The following SGCZ variants were observed in gnomAD, a reference collection of about 807,000 sequenced individuals.
SGCZ encodes sarcoglycan zeta.
In SGCZ, 40 loss-of-function variants were observed where a neutral mutation model predicts 41.3. The ratio of observed to expected loss-of-function variants is 0.97; its 90% CI spans 0.75 to 1.26. SGCZ has a LOEUF of 1.26. Among genes scored for constraint, SGCZ ranks in the 50% most tolerant of loss-of-function variants. The pLI is 0.00. For synonymous variants in SGCZ, 206 were observed against 137.5 expected, an observed-to-expected ratio of 1.50 and a Z score of -3.49; for missense variants, 552 against 369.8, an observed-to-expected ratio of 1.49 and a Z score of -4.04.
chr8:14,385,948 C>T (rs546135885), intron 2 of SGCZ, among the ~76,000 whole-genome samples: 1 of 152,246 alleles, frequency 6.6e-6, no homozygotes, highest in Non-Finnish European at 1.5e-5. Context: ...TACTTTAAAT[C>T]ATCTCTAGAT....
chr8:14,536,321 G>T (rs1027684403), intron 2 of SGCZ, among the ~76,000 whole-genome samples: 4 of 151,698 alleles, frequency 2.6e-5, no homozygotes, highest in African/African-American at 9.7e-5. Flanking sequence ...GCTCAAAATT[G>T]CTACAAAGTC....
At chr8:14,906,344 T>G (rs1799120411) in intron 1 of SGCZ, among the ~76,000 whole-genome samples, 1 of 152,202 alleles carries the variant, frequency 6.6e-6, no homozygotes, top group Admixed American at 6.5e-5. Context: ...TAAAAAGAGA[T>G]TATGTTTAAA....
At chr8:14,719,202 C>A (rs1162194170) in intron 1 of SGCZ, among the ~76,000 whole-genome samples, 1 of 149,696 alleles carries the variant, frequency 6.7e-6, no homozygotes, top group Non-Finnish European at 1.5e-5. Flanking sequence ...TTTATGGCTG[C>A]ATAGTATTCC....
intron 1 of SGCZ, among the ~76,000 whole-genome samples, chr8:14,559,020 A>C (rs2410194): frequency 2.4e-4 from 37 of 152,136 alleles, no homozygotes; most frequent in African/African-American, 8.9e-4. Flanking sequence ...CTCAGTCAAC[A>C]TAACAGTGAA....
chr8:14,332,468 A>C (rs961992719), intron 2 of SGCZ: 4 of 151,996 alleles, frequency 2.6e-5, no homozygotes, highest in Admixed American at 2.6e-4. Flanking sequence ...TAAAATAAAA[A>C]ATAAAAATAT....
intron 1 of SGCZ, among the ~76,000 whole-genome samples, chr8:14,689,587 AG>A (rs1435504372): frequency 3.3e-5 from 5 of 152,162 alleles, no homozygotes; most frequent in Admixed American, 1.3e-4. Context: ...TTCTAGATTT[AG>A]TGAATTATAT....
rs1289840948 is a variant in SGCZ, at chr8:14,402,456, G to A, written c.235-78252C>T. ...TTAAGTCTTTAATCCATCTTGAATT[G>A]ATTTTTGTATAAGGTGTAAGGAAGG... is the stretch of plus-strand genomic sequence containing the variant. On this transcript the variant is annotated intron_variant, in intron 2 of 7. Transcript: ENST00000382080. Among the ~76,000 whole-genome samples the A allele has an allele frequency of 8.6e-5, 13 of 151,542 alleles. No individual in the cohort carries two copies. The East Asian group carries it at 2.1e-3, about 25-fold the overall frequency.
At chr8:14,289,449 A>G (rs1800765474) in intron 3 of SGCZ, among the ~76,000 whole-genome samples, 2 of 152,122 alleles carry the variant, frequency 1.3e-5, no homozygotes, top group African/African-American at 2.4e-5. Context: ...ATTGTTCAAT[A>G]TAGTGCAGGC....
intron 1 of SGCZ, among the ~76,000 whole-genome samples, chr8:14,970,572 T>C (rs1801258068): frequency 6.6e-6 from 1 of 152,180 alleles, no homozygotes; most frequent in South Asian, 2.1e-4. Context: ...CTTACCTTTG[T>C]AGAATTACCT....
chr8:14,755,373 A>G (rs1799629417), intron 1 of SGCZ, among the ~76,000 whole-genome samples: 1 of 152,338 alleles, frequency 6.6e-6, no homozygotes, highest in South Asian at 2.1e-4. Context: ...TTAGAGGAAC[A>G]TAAATCCAAA....
intron 2 of SGCZ, among the ~76,000 whole-genome samples, chr8:14,336,714 G>A (rs1369215230): frequency 1.3e-5 from 2 of 152,114 alleles, no homozygotes; most frequent in Non-Finnish European, 2.9e-5. Context: ...TTGAGACAAA[G>A]GGATTCAGCT....
intron 1 of SGCZ, among the ~76,000 whole-genome samples, chr8:14,843,283 G>C (rs959830669): frequency 1.1e-4 from 16 of 152,036 alleles, no homozygotes; most frequent in African/African-American, 3.9e-4. Context: ...AGGAAGTTAA[G>C]TCTTTTTTTT....
chr8:14,672,249 A>G (rs894698281), intron 1 of SGCZ, among the ~76,000 whole-genome samples: 8 of 152,166 alleles, frequency 5.3e-5, no homozygotes, highest in African/African-American at 1.9e-4. Context: ...AAAATATATA[A>G]TTATTAAAAT....
At chr8:14,179,608 A>T (rs1585205839) in intron 4 of SGCZ, among the ~76,000 whole-genome samples, 1 of 152,114 alleles carries the variant, frequency 6.6e-6, no homozygotes, top group East Asian at 1.9e-4. Context: ...CTGCTCTACA[A>T]ATAGTCATGG....
At chr8:15,121,900 CAA>C (rs55783598) in intron 1 of SGCZ, among the ~76,000 whole-genome samples, 3 of 126,296 alleles carry the variant, frequency 2.4e-5, no homozygotes, top group Non-Finnish European at 3.3e-5. Context: ...CGGCAGTTAC[CAA>C]AAAAAAAAAA....
chr8:14,449,005 G>A lies in SGCZ; in HGVS notation c.234+105727C>T, dbSNP rs564317687. Among the ~76,000 whole-genome samples the A allele has an allele frequency of 2.0e-5, 3 of 152,262 alleles. No homozygotes were observed. In the South Asian group the frequency reaches 6.2e-4, roughly 32 times the overall value. ...AATTTTATTTACTGTGCAAACACAAGTTACATTCCAGACAAACAGATAGAA... is the reference window on the plus strand; with the variant it reads ...AATTTTATTTACTGTGCAAACACAAATTACATTCCAGACAAACAGATAGAA... On this transcript the variant is annotated intron_variant, in intron 2 of 7. Coordinates refer to ENST00000382080, the MANE Select transcript of SGCZ (RefSeq NM_139167.4).
chr8:14,089,211 A>G lies in SGCZ; in HGVS notation c.*1232T>C, dbSNP rs1801614328. Among the ~76,000 whole-genome samples the G allele has an allele frequency of 6.6e-6, 1 of 151,978 alleles. No individual in the cohort carries two copies. The highest frequency in any genetic ancestry group is 1.5e-5 in the Non-Finnish European group (1 of 67,938). On this transcript the variant is annotated 3_prime_UTR_variant, in exon 8 of 8. Transcript: ENST00000382080. ...TTGAGGTCAGGGTAGCCTAACAACG[A>G]TCTAATAAAAGTAAATATATGTTAA... is the stretch of plus-strand genomic sequence containing the variant.
chr8:14,648,725 C>T (rs539299845), intron 1 of SGCZ, among the ~76,000 whole-genome samples: 159 of 151,778 alleles, frequency 1.0e-3, no homozygotes, highest in Middle Eastern at 0.01. Context: ...TATAGACGGC[C>T]GAGTGTCTAG....
chr8:14,260,421 G>A (rs930167987), intron 3 of SGCZ, among the ~76,000 whole-genome samples: 4 of 142,812 alleles, frequency 2.8e-5, no homozygotes, highest in African/African-American at 1.0e-4. Context: ...CAGTTAGAAT[G>A]GCGATCATTA....
Sources: allele counts gnomAD v4.1 joint callset (sites outside exome capture counted in the v4.1 genomes callset), GRCh38; gene constraint gnomAD v4.1.1; transcripts MANE v1.5; gene names NCBI Gene and HGNC (gene_info 2026-07-23, HGNC 2026-07-21).